The following MPHOSPH9 variants were observed in gnomAD, a reference collection of about 807,000 sequenced individuals.
MPHOSPH9 encodes M-phase phosphoprotein 9.
Under a neutral mutation model 145.5 loss-of-function variants are expected in MPHOSPH9, and 88 were observed. The ratio of observed to expected loss-of-function variants is 0.60; its 90% CI spans 0.51 to 0.72. The LOEUF (loss-of-function observed/expected upper bound fraction) is 0.72. Ranked by LOEUF, MPHOSPH9 falls within the 30% of genes least tolerant of loss-of-function variation. The pLI is 0.00. For synonymous variants in MPHOSPH9, 435 were observed against 486.2 expected (o/e 0.89, Z 1.39); for missense variants, 1,238 against 1,386.6 (o/e 0.89, Z 1.70).
intron 13 of MPHOSPH9, among the ~76,000 whole-genome samples, chr12:123,184,619 C>G (rs2045354168): frequency 6.6e-6 from 1 of 150,556 alleles, no homozygotes; most frequent in African/African-American, 2.4e-5. Context: ...TGCCTCAGTC[C>G]CCTGAGTAGC....
At chr12:123,179,803 G>T in intron 15 of MPHOSPH9, 123 bp downstream of exon 15, 1 of 425,542 alleles carries the variant, frequency 2.3e-6, no homozygotes, top group Non-Finnish European at 4.3e-6. Context: ...GGAAAATTAA[G>T]ACAAAACTAG....
At chr12:123,194,241 C>A in intron 13 of MPHOSPH9, 145 bp downstream of exon 13, 1 of 584,346 alleles carries the variant, frequency 1.7e-6, no homozygotes, top group Non-Finnish European at 2.9e-6. Context: ...TGCACTCCAG[C>A]CTGGGTGTCA....
At chr12:123,211,647 G>A (rs951731742) in intron 7 of MPHOSPH9, among the ~76,000 whole-genome samples, 3 of 150,470 alleles carry the variant, frequency 2.0e-5, no homozygotes, top group African/African-American at 7.3e-5. Context: ...TGAGCTACCA[G>A]GTCCAGCCTT....
chr12:123,165,446 G>A lies in MPHOSPH9; in HGVS notation c.2623C>T (p.Pro875Ser). Residue 875 changes from proline to serine, a missense_variant, in exon 18 of 24, where the codon CCT becomes TCT. By Grantham distance (74) the Pro-to-Ser change is moderately conservative. This residue lies in a region of MPHOSPH9 where 393 missense variants were observed against 462.5 expected (regional missense o/e 0.85). Coordinates refer to ENST00000606320, the MANE Select transcript of MPHOSPH9 (RefSeq NM_022782.4). ...HRSPLEKDSS[P>S]GSSSTSLLIK... is the part of the protein sequence containing the mutation. ...AACAAGCTTGTTGATGAACTTCCAG[G>A]TGAAGAATCCTTTTCCAGAGGTGAA... 2 of 1,613,866 alleles carry A rather than the reference G, an allele frequency of 1.2e-6. No individual in the cohort carries two copies. The highest frequency in any genetic ancestry group is 4.5e-5 in the East Asian group (2 of 44,890).
chr12:123,170,715 TA>T (rs1024724965), intron 16 of MPHOSPH9, among the ~76,000 whole-genome samples: 2 of 152,248 alleles, frequency 1.3e-5, no homozygotes, highest in Non-Finnish European at 2.9e-5. Context: ...ATATGGTTTT[TA>T]ATATGCAGCC....
At chr12:123,171,456 A>G (rs2044576851) in intron 16 of MPHOSPH9, among the ~76,000 whole-genome samples, 1 of 149,712 alleles carries the variant, frequency 6.7e-6, no homozygotes, top group South Asian at 2.1e-4. Context: ...TTGTCTCTAA[A>G]ATAAAATATC....
At chr12:123,212,766 C>CTTTTTT (rs769159602) in intron 7 of MPHOSPH9, among the ~76,000 whole-genome samples, 3 of 93,912 alleles carry the variant, frequency 3.2e-5, no homozygotes, top group Non-Finnish European at 5.8e-5. Flanking sequence ...CAATGGTCGA[C>CTTTTTT]TTTTTTTTTT....
At chr12:123,177,055 C>T (rs936716071) in intron 15 of MPHOSPH9, among the ~76,000 whole-genome samples, 1 of 151,790 alleles carries the variant, frequency 6.6e-6, no homozygotes, top group African/African-American at 2.4e-5. Flanking sequence ...CTGGGCATGG[C>T]GGTGTACACC....
chr12:123,181,068 A>AG, intron 14 of MPHOSPH9, 95 bp downstream of exon 14: 1 of 1,138,572 alleles, frequency 8.8e-7, no homozygotes, highest in South Asian at 1.3e-5. Flanking sequence ...AGGTTCAGGA[A>AG]GGGGTGCAAG....
intron 8 of MPHOSPH9, among the ~76,000 whole-genome samples, chr12:123,207,042 CCT>C (rs760393060): frequency 1.3e-5 from 2 of 149,934 alleles, no homozygotes; most frequent in Non-Finnish European, 3.0e-5. Context: ...CAGCAAAAAT[CCT>C]CTCTCTAATA....
chr12:123,183,754 T>C (rs2045311976), intron 13 of MPHOSPH9, among the ~76,000 whole-genome samples: 1 of 151,884 alleles, frequency 6.6e-6, no homozygotes, highest in Non-Finnish European at 1.5e-5. Context: ...TGGTTGAAAT[T>C]CCTTAAGTAA....
At chr12:123,167,944 T>G (rs186753188) in intron 16 of MPHOSPH9, among the ~76,000 whole-genome samples, 1 of 152,312 alleles carries the variant, frequency 6.6e-6, no homozygotes, top group African/African-American at 2.4e-5. Flanking sequence ...GCCAGCCACC[T>G]CAGAGGGTAC....
rs370651737 is a variant in MPHOSPH9 at position 123,161,292 on chromosome 12, C to G, written c.3225G>C (p.Val1075=). The G allele has an allele frequency of 5.0e-6, 8 of 1,614,096 alleles. No individual in the cohort carries two copies. Among genetic ancestry groups the G allele is most frequent in the Non-Finnish European group, 6.8e-6 (8 of 1,180,000 alleles). Residue 1075 remains valine, a synonymous_variant, in exon 22 of 24, where the codon GTG becomes GTC. Transcript: ENST00000606320. The stretch of plus-strand genomic sequence containing the variant: ...ATTTATTCTTCTCCCAGGCTGTTCT[C>G]ACAGATACTTTCTTCACTCCATTTG... The part of the protein sequence containing the change: ...PVPNGVKKVS[V]RTAWEKNKSV...
At chr12:123,174,833 G>A (rs2682428) in intron 16 of MPHOSPH9, among the ~76,000 whole-genome samples, 1 of 152,062 alleles carries the variant, frequency 6.6e-6, no homozygotes, top group African/African-American at 2.4e-5. Context: ...CATGAACTAG[G>A]TACCTTTAGT....
downstream of MPHOSPH9, chr12:123,152,690 G>C (rs1273679314): frequency 2.4e-6 from 1 of 419,254 alleles, no homozygotes; most frequent in African/African-American, 2.1e-5. Context: ...GAATACTGGG[G>C]TAGTAGTTTA....
intron 16 of MPHOSPH9, among the ~76,000 whole-genome samples, chr12:123,170,381 G>GAT (rs533103263): frequency 6.1e-4 from 93 of 152,180 alleles, no homozygotes; most frequent in Non-Finnish European, 1.1e-3. Context: ...TTGACCTCAT[G>GAT]ATCCACCTGC....
At chr12:123,214,643 T>C in intron 7 of MPHOSPH9, 101 bp downstream of exon 7, 4 of 846,004 alleles carry the variant, frequency 4.7e-6, no homozygotes, top group Non-Finnish European at 7.4e-6. Flanking sequence ...TGGAGAAATG[T>C]AGGCAAGTTG....
Position 123,181,195 on chromosome 12 carries a change from C to CA in MPHOSPH9, c.2256dup (p.Glu753Ter). Reference sequence around the variant, plus strand: ...CTCCTGTGTTCTTTTCCAAGGGACTCATACTCTCCTAAAAGCTACAAGGAA... The same window carrying CA: ...CTCCTGTGTTCTTTTCCAAGGGACTCAATACTCTCCTAAAAGCTACAAGGAA... On this transcript the variant is annotated frameshift_variant, in exon 14 of 24. Transcript: ENST00000606320. LOFTEE classifies it high-confidence loss of function. The CA allele has an allele frequency of 6.2e-7, 1 of 1,611,786 alleles. No homozygotes were observed. Among genetic ancestry groups the CA allele is most frequent in the Non-Finnish European group, 8.5e-7 (1 of 1,178,316 alleles).
chr12:123,171,806 T>C (rs959278695), intron 16 of MPHOSPH9, among the ~76,000 whole-genome samples: 1 of 152,036 alleles, frequency 6.6e-6, no homozygotes. Flanking sequence ...CAAGCACACA[T>C]AGACATACAG....
Sources: gnomAD v4.1 joint callset for allele counts (sites outside exome capture counted in the v4.1 genomes callset) on GRCh38, gnomAD v4.1.1 for gene constraint, gnomAD v4.1.1 regional missense constraint, MANE v1.5 for transcripts, NCBI Gene and HGNC (gene_info 2026-07-23, HGNC 2026-07-21) for gene names.